SPAG17: variants seen among roughly 807,000 people sequenced by gnomAD.
SPAG17 encodes the protein sperm-associated antigen 17.
A neutral mutation model predicts 273.6 loss-of-function variants in SPAG17; 169 were observed. The observed-to-expected ratio is 0.62, with a 90% CI of 0.55 to 0.70. SPAG17 has a LOEUF of 0.70. Ranked by LOEUF, SPAG17 falls within the 30% of genes least tolerant of loss-of-function variation. The pLI is 0.00. For missense variants in SPAG17, 2,557 were observed against 2,627.8 expected (o/e 0.97, Z 0.59); for synonymous variants, 825 against 873.2 (o/e 0.94, Z 0.97).
chr1:118,079,383 A>G (rs1363582446), intron 15 of SPAG17, among the ~76,000 whole-genome samples: 2 of 152,062 alleles, frequency 1.3e-5, no homozygotes, highest in Non-Finnish European at 2.9e-5. Flanking sequence ...AAATTTCTGT[A>G]GAATCTGAGG....
chr1:118,088,716 T>C (rs1242331806), intron 10 of SPAG17, among the ~76,000 whole-genome samples: 1 of 152,090 alleles, frequency 6.6e-6, no homozygotes, highest in Non-Finnish European at 1.5e-5. Context: ...TTAAAAACAT[T>C]ACTGCCAAAA....
chr1:117,987,824 G>T lies in SPAG17; in HGVS notation c.5669+10C>A, dbSNP rs536174234. The T allele has an allele frequency of 6.2e-7, 1 of 1,613,598 alleles. No homozygotes were observed. The highest frequency in any genetic ancestry group is 1.3e-5 in the African/African-American group (1 of 74,884). The stretch of plus-strand genomic sequence containing the variant: ...TTCAGGTCCTTATGTGCGTTTTGGG[G>T]TATAATTACCTCGTTTTGTCTATCT... On this transcript the variant is annotated intron_variant, in intron 40 of 48. Transcript: ENST00000336338.
chr1:118,128,120 C>T (rs1165580786), intron 3 of SPAG17, among the ~76,000 whole-genome samples: 2 of 145,606 alleles, frequency 1.4e-5, no homozygotes, highest in Admixed American at 1.4e-4. Context: ...GATTCCATTT[C>T]AAAAAGAAAA....
intron 3 of SPAG17, among the ~76,000 whole-genome samples, chr1:118,117,639 G>A (rs1047968360): frequency 1.3e-5 from 2 of 152,206 alleles, no homozygotes; most frequent in Admixed American, 6.5e-5. Context: ...CACAGAGAGA[G>A]AGAGCAGTGG....
intron 3 of SPAG17, among the ~76,000 whole-genome samples, chr1:118,129,662 T>TCCTTCTTCTTTCTCTA (rs1657942776): frequency 6.7e-6 from 1 of 149,124 alleles, no homozygotes; most frequent in South Asian, 2.3e-4. Flanking sequence ...CTCCTTCTCT[T>TCCTTCTTCTTTCTCTA]CCTTCTTCTT....
In SPAG17 at chr1:118,040,764, C is replaced by T. The variant is rs1649653048; in HGVS notation, c.3132G>A (p.Gly1044=). ...SNYYLYPSDG[G]QIEVEKTMFE... ...ACATTGTCTTTTCCACTTCAATCTG[C>T]CCCCCATCAGAAGGATACAGGTAGT... Residue 1044 remains glycine, a synonymous_variant, in exon 22 of 49, where the codon GGG becomes GGA. Transcript: ENST00000336338. 6.2e-7 allele frequency: 1 copy of T among 1,603,764 alleles called. No individual in the cohort carries two copies. The highest frequency in any genetic ancestry group is 2.2e-5 in the East Asian group (1 of 44,822).
chr1:118,183,800 T>C (rs1661055141), intron 1 of SPAG17, among the ~76,000 whole-genome samples: 2 of 152,148 alleles, frequency 1.3e-5, no homozygotes, highest in African/African-American at 4.8e-5. Flanking sequence ...AGACCAAACT[T>C]GGCCTACACA....
chr1:118,050,536 C>T (rs1475253470), intron 20 of SPAG17, among the ~76,000 whole-genome samples: 1 of 152,152 alleles, frequency 6.6e-6, no homozygotes, highest in Non-Finnish European at 1.5e-5. Context: ...CACCATGGTA[C>T]TGGCATAAAC....
At chr1:117,957,633 G>A (rs1427341981) in intron 48 of SPAG17, among the ~76,000 whole-genome samples, 3 of 152,306 alleles carry the variant, frequency 2.0e-5, no homozygotes, top group Non-Finnish European at 4.4e-5. Flanking sequence ...GCCCAGTATG[G>A]CTTTGAATGT....
chr1:118,028,502 G>C (rs1162096313), intron 25 of SPAG17, 108 bp from the exon 26 acceptor site: 1 of 1,365,766 alleles, frequency 7.3e-7, no homozygotes, highest in Admixed American at 2.3e-5. Context: ...GACTTGCACA[G>C]AGCTAGGTGG....
At chr1:118,044,741 G>A (rs895955684) in intron 20 of SPAG17, among the ~76,000 whole-genome samples, 2 of 152,084 alleles carry the variant, frequency 1.3e-5, no homozygotes, top group African/African-American at 4.8e-5. Context: ...TGAGTTCTCA[G>A]GAGATCTGGT....
At chr1:118,028,473 T>C (rs1571281684) in intron 25 of SPAG17, 79 bp from the exon 26 acceptor site, 2 of 1,558,078 alleles carry the variant, frequency 1.3e-6, no homozygotes, top group Admixed American at 1.7e-5. Context: ...AGCCAGGATA[T>C]GCTGAGTGCT....
chr1:117,969,696 G>A (rs1035223780), intron 46 of SPAG17, among the ~76,000 whole-genome samples: 17 of 152,022 alleles, frequency 1.1e-4, no homozygotes, highest in East Asian at 3.8e-4. Flanking sequence ...TATGAAGAAC[G>A]GAATAATTAT....
Position 118,151,328 on chromosome 1 carries a change from C to A in SPAG17, c.129G>T (p.Gln43His), listed in dbSNP as rs1358249944. ...CTTGGATGAGAAGATCATCTTCAAT[C>A]TGGTTCCCAACCACAAAAGCAATGG... is the stretch of plus-strand genomic sequence containing the variant. ...QASIAFVVGN[Q>H]IEDDLLIQAL... Residue 43 changes from glutamine to histidine, a missense_variant, in exon 2 of 49, where the codon CAG (glutamine) becomes CAT (histidine). Physicochemically the swap from Gln to His is conservative, Grantham distance 24. Coordinates refer to ENST00000336338, the MANE Select transcript of SPAG17 (RefSeq NM_206996.4). The A allele has an allele frequency of 1.9e-6, 3 of 1,612,988 alleles. No individual in the cohort carries two copies. In the Admixed American group the frequency reaches 5.0e-5, roughly 27 times the overall value.
chr1:117,994,935 C>T (rs1657493981), intron 34 of SPAG17, among the ~76,000 whole-genome samples: 1 of 152,064 alleles, frequency 6.6e-6, no homozygotes, highest in Non-Finnish European at 1.5e-5. Flanking sequence ...AATGAACCTT[C>T]CCTTGCAGTC....
chr1:118,033,980 G>A (rs1557935485), intron 24 of SPAG17, among the ~76,000 whole-genome samples: 1 of 152,186 alleles, frequency 6.6e-6, no homozygotes, highest in East Asian at 1.9e-4. Flanking sequence ...TAGACAGTGA[G>A]TTCTTTGTGT....
At chr1:118,000,774 C>A (rs1658189366) in intron 32 of SPAG17, among the ~76,000 whole-genome samples, 3 of 152,240 alleles carry the variant, frequency 2.0e-5, no homozygotes, top group African/African-American at 4.8e-5. Context: ...CAAACAGGGA[C>A]AATTTGACTT....
intron 10 of SPAG17, among the ~76,000 whole-genome samples, chr1:118,089,570 AAAAGT>A: frequency 6.6e-6 from 1 of 152,318 alleles, no homozygotes; most frequent in East Asian, 1.9e-4. Context: ...TGCTAGAAAG[AAAAGT>A]AAAGATTATC....
chr1:117,966,720 CTA>C lies in SPAG17; in HGVS notation c.6419_6420del (p.Ile2140ArgfsTer29). On this transcript the variant is annotated frameshift_variant, in exon 47 of 49. Coordinates refer to ENST00000336338, the MANE Select transcript of SPAG17 (RefSeq NM_206996.4). LOFTEE classifies it high-confidence loss of function. ...TCTCCAACAGCTGTGGCAAATAACT[CTA>C]TATTCAGTTCTGTCTGCATACCAGC... ...VAAGMQTELN[I>X]ELFATAVGED... is the part of the protein sequence containing the mutation. The C allele has an allele frequency of 6.2e-7, 1 of 1,613,730 alleles. No homozygotes were observed.
Sources: allele counts gnomAD v4.1 joint callset (sites outside exome capture counted in the v4.1 genomes callset), GRCh38; gene constraint gnomAD v4.1.1; transcripts MANE v1.5; gene names NCBI Gene and HGNC (gene_info 2026-07-23, HGNC 2026-07-21).